Variants in TMTC1 observed in about 807,000 individuals in gnomAD.
The protein encoded by TMTC1 is transmembrane O-mannosyltransferase targeting cadherins 1.
TMTC1 carries 73 observed loss-of-function variants against 104.8 expected under a neutral mutation model. The observed-to-expected ratio is 0.70, with a 90% CI of 0.58 to 0.85. The LOEUF (loss-of-function observed/expected upper bound fraction) is 0.85. Among genes scored for constraint, TMTC1 ranks in the 40% least tolerant of loss-of-function variants. The pLI, the probability that TMTC1 is intolerant of heterozygous loss-of-function variation, is 0.00. For synonymous variants in TMTC1, 434 were observed against 428.7 expected (o/e 1.01, Z -0.15); for missense variants, 1,035 against 1,096.1 (o/e 0.94, Z 0.79).
chr12:29,645,282 A>T (rs1264286591), intron 5 of TMTC1, among the ~76,000 whole-genome samples: 1 of 152,208 alleles, frequency 6.6e-6, no homozygotes. Context: ...AGGGGCAAAG[A>T]TGGAAGATTC....
chr12:29,660,651 C>T (rs561672026), intron 5 of TMTC1, among the ~76,000 whole-genome samples: 27 of 152,184 alleles, frequency 1.8e-4, no homozygotes, highest in South Asian at 1.2e-3. Flanking sequence ...TGTAACATTA[C>T]GGCATGCCAA....
At chr12:29,617,548 GAGA>G (rs1947018736) in intron 6 of TMTC1, among the ~76,000 whole-genome samples, 2 of 151,646 alleles carry the variant, frequency 1.3e-5, no homozygotes, top group African/African-American at 4.9e-5. Context: ...GAGAGAGAGA[GAGA>G]GAGAGAGAGA....
At chr12:29,653,599 A>C (rs189030086) in intron 5 of TMTC1, among the ~76,000 whole-genome samples, 24 of 123,676 alleles carry the variant, frequency 1.9e-4, no homozygotes, top group Admixed American at 1.9e-3. Context: ...TTACTATTCA[A>C]CTTCATGCCA....
At chr12:29,602,487 T>G (rs966900347) in intron 7 of TMTC1, among the ~76,000 whole-genome samples, 1 of 152,194 alleles carries the variant, frequency 6.6e-6, no homozygotes, top group African/African-American at 2.4e-5. Context: ...TTGGGTGCTA[T>G]TACTATTTCC....
intron 7 of TMTC1, among the ~76,000 whole-genome samples, chr12:29,598,713 G>C (rs1946476838): frequency 6.6e-6 from 1 of 152,008 alleles, no homozygotes; most frequent in Non-Finnish European, 1.5e-5. Context: ...AAATGGAATT[G>C]TTTTCTTTTT....
rs1010104195 is a variant in TMTC1 at position 29,601,990 on chromosome 12, C to T, written c.1250+2188G>A. Among the ~76,000 whole-genome samples, 100 of 151,862 alleles carry T rather than the reference C, an allele frequency of 6.6e-4. 4 individuals carry two copies. The highest frequency in any genetic ancestry group is 2.1e-4 in the South Asian group (1 of 4,804). On this transcript the variant is annotated intron_variant, in intron 7 of 17. Coordinates refer to ENST00000539277, the MANE Select transcript of TMTC1 (RefSeq NM_001193451.2). ...AGCTAGGACTACAGGCGCCCGCCAC[C>T]GTGCCTGGCTAATTTTTGTATTTTT...
At chr12:29,578,104 A>G (rs1263327843) in intron 8 of TMTC1, among the ~76,000 whole-genome samples, 2 of 152,046 alleles carry the variant, frequency 1.3e-5, no homozygotes, top group African/African-American at 4.8e-5. Flanking sequence ...CCACCCAAGG[A>G]ATAGACAATT....
At chr12:29,664,570 T>C (rs1384662201) in intron 5 of TMTC1, among the ~76,000 whole-genome samples, 2 of 152,204 alleles carry the variant, frequency 1.3e-5, no homozygotes, top group Non-Finnish European at 2.9e-5. Flanking sequence ...ATAACAATAC[T>C]ATTAACAGCA....
chr12:29,633,107 T>C (rs751899238), intron 6 of TMTC1, 40 bp downstream of exon 6: 1 of 1,564,152 alleles, frequency 6.4e-7, no homozygotes, highest in Non-Finnish European at 8.8e-7. Flanking sequence ...AGAATATCTG[T>C]CTTCAAATGC....
intron 10 of TMTC1, among the ~76,000 whole-genome samples, chr12:29,547,396 G>T (rs1285171072): frequency 2.6e-5 from 4 of 152,166 alleles, no homozygotes; most frequent in Non-Finnish European, 5.9e-5. Flanking sequence ...TAAATGAGTG[G>T]AGTTGCAGTA....
At chr12:29,682,265 A>G (rs1940943758) in intron 5 of TMTC1, among the ~76,000 whole-genome samples, 1 of 152,228 alleles carries the variant, frequency 6.6e-6, no homozygotes, top group African/African-American at 2.4e-5. Context: ...ATACTGGGGA[A>G]GTCCAGAGAA....
chr12:29,562,217 C>T (rs1046276746), intron 9 of TMTC1, among the ~76,000 whole-genome samples: 2 of 152,150 alleles, frequency 1.3e-5, no homozygotes, highest in East Asian at 1.9e-4. Context: ...CATCTTGCAC[C>T]GTACTCCTTC....
Position 29,604,595 on chromosome 12 carries a change from G to A in TMTC1, c.1129-296C>T, listed in dbSNP as rs1946649982. On this transcript the variant is annotated intron_variant, in intron 6 of 17. Coordinates refer to ENST00000539277, the MANE Select transcript of TMTC1 (RefSeq NM_001193451.2). ...TTAGGGCTGGATTTACAGCAACCCT[G>A]CTTCTTGGTTCTGGCTCCGTTCAGA... Among the ~76,000 whole-genome samples the A allele has an allele frequency of 2.0e-5, 3 of 152,244 alleles. No individual in the cohort carries two copies. In the South Asian group the frequency reaches 6.2e-4, roughly 32 times the overall value.
intron 16 of TMTC1, among the ~76,000 whole-genome samples, chr12:29,512,567 C>T (rs917724304): frequency 1.3e-5 from 2 of 152,210 alleles, no homozygotes; most frequent in African/African-American, 4.8e-5. Flanking sequence ...CTGACCTAGT[C>T]GTTCAGCCTA....
At chr12:29,644,468 T>C (rs550026352) in intron 5 of TMTC1, among the ~76,000 whole-genome samples, 41 of 151,950 alleles carry the variant, frequency 2.7e-4, no homozygotes, top group African/African-American at 9.4e-4. Flanking sequence ...CTAAGGAACT[T>C]GCTCACATAA....
intron 6 of TMTC1, among the ~76,000 whole-genome samples, chr12:29,606,125 AG>A (rs1364063189): frequency 2.5e-4 from 38 of 152,204 alleles, no homozygotes; most frequent in African/African-American, 8.4e-4. Context: ...ACGAGTATCT[AG>A]GCTGATTCCA....
intron 5 of TMTC1, among the ~76,000 whole-genome samples, chr12:29,682,282 T>A (rs1349519624): frequency 6.6e-6 from 1 of 152,086 alleles, no homozygotes; most frequent in African/African-American, 2.4e-5. Context: ...AGAAACAGGA[T>A]CTCTCCTATA....
chr12:29,737,843 G>A (rs1191360798), intron 5 of TMTC1, among the ~76,000 whole-genome samples: 1 of 152,196 alleles, frequency 6.6e-6, no homozygotes, highest in East Asian at 1.9e-4. Flanking sequence ...GACAGTTAAT[G>A]AGCTGCACGC....
chr12:29,714,878 G>A (rs181820607), intron 5 of TMTC1, among the ~76,000 whole-genome samples: 4 of 152,328 alleles, frequency 2.6e-5, no homozygotes, highest in African/African-American at 9.6e-5. Flanking sequence ...TTTCCAGAAC[G>A]AATCTGCCCA....
Sources: gnomAD v4.1 joint callset for allele counts (sites outside exome capture counted in the v4.1 genomes callset) on GRCh38, gnomAD v4.1.1 for gene constraint, MANE v1.5 for transcripts, NCBI Gene and HGNC (gene_info 2026-07-23, HGNC 2026-07-21) for gene names.